The following SPIDR variants were observed in gnomAD, a reference collection of about 807,000 sequenced individuals.
SPIDR encodes the protein DNA repair-scaffolding protein.
A neutral mutation model predicts 104.6 loss-of-function variants in SPIDR; 93 were observed. The ratio of observed to expected loss-of-function variants is 0.89; its 90% CI spans 0.75 to 1.06. SPIDR has a LOEUF of 1.06. SPIDR is among the 50% of genes least tolerant of loss of function. The pLI is 0.00. For missense variants in SPIDR, 1,154 were observed against 1,111.2 expected (o/e 1.04, Z -0.55); for synonymous variants, 431 against 416.9 (o/e 1.03, Z -0.41).
chr8:47,713,706 T>G (rs1272405802), intron 16 of SPIDR, 65 bp downstream of exon 16: 1 of 1,582,096 alleles, frequency 6.3e-7, no homozygotes, highest in African/African-American at 1.4e-5. Flanking sequence ...TATATTCATT[T>G]ACTCATTTAT....
At chr8:47,680,445 G>A (rs1402273108) in intron 11 of SPIDR, among the ~76,000 whole-genome samples, 3 of 152,146 alleles carry the variant, frequency 2.0e-5, no homozygotes, top group Non-Finnish European at 4.4e-5. Context: ...TGAGACTGGG[G>A]TACACCAAAG....
intron 11 of SPIDR, among the ~76,000 whole-genome samples, chr8:47,690,737 T>C (rs1351995004): frequency 6.6e-6 from 1 of 152,132 alleles, no homozygotes; most frequent in Non-Finnish European, 1.5e-5. Flanking sequence ...GACAATCACT[T>C]GAACCCAGGA....
At chr8:47,670,251 C>T (rs979381225) in intron 10 of SPIDR, among the ~76,000 whole-genome samples, 2 of 151,858 alleles carry the variant, frequency 1.3e-5, no homozygotes, top group South Asian at 2.1e-4. Context: ...AAGCAAGTCA[C>T]GTGAGGAGTT....
chr8:47,345,137 A>G (rs563268369), intron 5 of SPIDR, among the ~76,000 whole-genome samples: 3 of 152,282 alleles, frequency 2.0e-5, no homozygotes, highest in Non-Finnish European at 2.9e-5. Flanking sequence ...AATAATTTTT[A>G]TATAAGGTGT....
In SPIDR at chr8:47,261,700, G is replaced by C. The variant is rs187082326; in HGVS notation, c.33+709G>C. On this transcript the variant is annotated intron_variant, in intron 1 of 19. Transcript: ENST00000297423. ...CCTTTCTTGACTCTTGCCTTTACTT[G>C]AAAACTTCCTGGAAAAAATAGACCA... 1.4e-4 allele frequency among the ~76,000 whole-genome samples: 21 copies of C among 152,230 alleles called. No homozygotes were observed. The East Asian group carries it at 3.5e-3, about 25-fold the overall frequency.
intron 10 of SPIDR, among the ~76,000 whole-genome samples, chr8:47,672,648 T>G (rs1589057976): frequency 6.6e-6 from 1 of 152,252 alleles, no homozygotes; most frequent in Non-Finnish European, 1.5e-5. Context: ...CTATTCATAT[T>G]TTGGGGACCT....
At chr8:47,572,495 C>G (rs780230429) in intron 8 of SPIDR, among the ~76,000 whole-genome samples, 1 of 151,918 alleles carries the variant, frequency 6.6e-6, no homozygotes, top group Non-Finnish European at 1.5e-5. Context: ...AACCCCATCT[C>G]TACTAAAAAT....
intron 7 of SPIDR, among the ~76,000 whole-genome samples, chr8:47,431,152 C>T (rs2067295041): frequency 6.6e-6 from 1 of 152,188 alleles, no homozygotes; most frequent in South Asian, 2.1e-4. Flanking sequence ...TTTAGGCAGT[C>T]GCCTTCTTGC....
chr8:47,266,543 G>T (rs149691431), intron 1 of SPIDR, among the ~76,000 whole-genome samples: 1 of 152,244 alleles, frequency 6.6e-6, no homozygotes, highest in Non-Finnish European at 1.5e-5. Context: ...TCAGGTTTTG[G>T]TTATTGCAAA....
intron 10 of SPIDR, 49 bp downstream of exon 10, chr8:47,599,245 C>T (rs377184352): frequency 6.3e-7 from 1 of 1,598,988 alleles, no homozygotes; most frequent in Non-Finnish European, 8.5e-7. Context: ...GTCACTTAGA[C>T]AGAGTGCTCT....
intron 5 of SPIDR, among the ~76,000 whole-genome samples, chr8:47,350,856 G>A (rs1461072920): frequency 1.3e-5 from 2 of 152,182 alleles, no homozygotes; most frequent in Non-Finnish European, 2.9e-5. Context: ...AGTTACTTGT[G>A]ATCAGCCATA....
chr8:47,458,395 A>G (rs2073386745), intron 8 of SPIDR, among the ~76,000 whole-genome samples: 5 of 144,082 alleles, frequency 3.5e-5, no homozygotes, highest in Admixed American at 2.1e-4. Flanking sequence ...ATTTTATTGC[A>G]GCTATTATAA....
At chr8:47,494,188 A>C (rs34720045) in intron 8 of SPIDR, among the ~76,000 whole-genome samples, 1 of 150,188 alleles carries the variant, frequency 6.7e-6, no homozygotes, top group Non-Finnish European at 1.5e-5. Flanking sequence ...GGGGGTGTCT[A>C]TGTTGCCCAG....
intron 5 of SPIDR, among the ~76,000 whole-genome samples, chr8:47,308,386 A>G (rs1471187781): frequency 8.0e-6 from 1 of 124,258 alleles, no homozygotes; most frequent in Non-Finnish European, 1.7e-5. Flanking sequence ...TTTTTTTTCT[A>G]ATGTTACTGT....
intron 5 of SPIDR, among the ~76,000 whole-genome samples, chr8:47,372,229 C>T (rs187472035): frequency 6.6e-6 from 1 of 152,098 alleles, no homozygotes; most frequent in African/African-American, 2.4e-5. Context: ...TTTTATTTAT[C>T]GTTTGTCCCC....
intron 5 of SPIDR, among the ~76,000 whole-genome samples, chr8:47,311,618 G>C (rs1554585158): frequency 2.0e-5 from 3 of 152,026 alleles, no homozygotes; most frequent in Admixed American, 6.6e-5. Flanking sequence ...AGGAGTTTGA[G>C]ACCAGCCTGG....
intron 11 of SPIDR, among the ~76,000 whole-genome samples, chr8:47,678,053 A>G (rs1371394879): frequency 1.3e-5 from 2 of 151,968 alleles, no homozygotes; most frequent in African/African-American, 4.8e-5. Flanking sequence ...AAAAAAAAAA[A>G]GAAAAAGTTA....
At chr8:47,269,477 T>C (rs113457233) in intron 1 of SPIDR, among the ~76,000 whole-genome samples, 4,718 of 151,456 alleles carry the variant, frequency 0.031, 269 homozygotes, top group African/African-American at 0.11. Context: ...GGGCTGGTAT[T>C]GAACTCCTGA....
At chr8:47,667,474 C>T (rs942950350) in intron 10 of SPIDR, among the ~76,000 whole-genome samples, 7 of 144,212 alleles carry the variant, frequency 4.9e-5, no homozygotes, top group Middle Eastern at 3.8e-3. Context: ...AAGCCAGGCA[C>T]GGTGGCATGT....
Sources: gnomAD v4.1 joint callset for allele counts (sites outside exome capture counted in the v4.1 genomes callset) on GRCh38, gnomAD v4.1.1 for gene constraint, MANE v1.5 for transcripts, NCBI Gene and HGNC (gene_info 2026-07-23, HGNC 2026-07-21) for gene names.